SLC38A11: variants seen among roughly 807,000 people sequenced by gnomAD.
SLC38A11 encodes the protein putative sodium-coupled neutral amino acid transporter 11.
A neutral mutation model predicts 49.4 loss-of-function variants in SLC38A11; 51 were observed. The observed-to-expected ratio is 1.03, with a 90% CI of 0.83 to 1.30. The LOEUF (loss-of-function observed/expected upper bound fraction) is 1.30, where lower values mean the gene tolerates loss of function less well. Among genes scored for constraint, SLC38A11 ranks in the 50% most tolerant of loss-of-function variants. The pLI is 0.00. For missense variants in SLC38A11, 574 were observed against 556.2 expected (o/e 1.03, Z -0.32); for synonymous variants, 203 against 192.9 (o/e 1.05, Z -0.43).
intron 6 of SLC38A11, chr2:164,937,646 G>A: frequency 2.3e-6 from 1 of 431,378 alleles, no homozygotes; most frequent in Non-Finnish European, 4.2e-6. Flanking sequence ...AAGTAGGTGA[G>A]CAAGTATTAT....
chr2:164,919,534 T>C (rs1223394400), intron 7 of SLC38A11, among the ~76,000 whole-genome samples: 1 of 152,196 alleles, frequency 6.6e-6, no homozygotes, highest in African/African-American at 2.4e-5. Flanking sequence ...ACATTGGTCA[T>C]GCATACACAG....
At chr2:164,926,474 A>G (rs1686592490) in intron 7 of SLC38A11, among the ~76,000 whole-genome samples, 1 of 152,156 alleles carries the variant, frequency 6.6e-6, no homozygotes, top group Non-Finnish European at 1.5e-5. Flanking sequence ...CTCTAAAATT[A>G]AGGTTGAAAC....
In SLC38A11 at chr2:164,895,524, T is replaced by C. The variant is rs1025156729; in HGVS notation, c.*2913A>G. On this transcript the variant is annotated 3_prime_UTR_variant, in exon 12 of 12. Coordinates refer to ENST00000685975, the MANE Select transcript of SLC38A11 (RefSeq NM_001351537.2). ...GAGGAGACCTGTTCTCTTCAATAAA[T>C]GTATCTTTAATTAAGTAGATGTGTA... Among the ~76,000 whole-genome samples the C allele has an allele frequency of 6.6e-6, 1 of 152,198 alleles. No individual in the cohort carries two copies. Among genetic ancestry groups the C allele is most frequent in the Non-Finnish European group, 1.5e-5 (1 of 68,030 alleles).
At chr2:164,908,006 T>A (rs940969597) in intron 11 of SLC38A11, 1 of 152,156 alleles carries the variant, frequency 6.6e-6, no homozygotes, top group African/African-American at 2.4e-5. Flanking sequence ...TACATGATAG[T>A]TGAAACAGAG....
At chr2:164,947,117 CTTTTTTTTTTTTTTTTTTTT>C (rs200284770) in intron 3 of SLC38A11, among the ~76,000 whole-genome samples, 24,162 of 74,732 alleles carry the variant, frequency 0.32, 2,990 homozygotes, top group East Asian at 0.54. Context: ...TTTTTTATCT[CTTTTTTTTTTTTTTTTTTTT>C]TTTTTTTTTT....
chr2:164,901,410 C>A (rs1052512462), intron 11 of SLC38A11, among the ~76,000 whole-genome samples: 6 of 151,738 alleles, frequency 4.0e-5, no homozygotes, highest in Non-Finnish European at 8.8e-5. Context: ...TTATATGTTC[C>A]ATTTATTTGT....
At chr2:164,926,721 G>T (rs1235174277) in intron 7 of SLC38A11, among the ~76,000 whole-genome samples, 1 of 151,996 alleles carries the variant, frequency 6.6e-6, no homozygotes, top group Non-Finnish European at 1.5e-5. Context: ...TAGGGACATG[G>T]ATGAAGCTGG....
At chr2:164,952,914 C>T (rs908108865) in intron 2 of SLC38A11, 133 bp from the exon 3 acceptor site, 20 of 673,172 alleles carry the variant, frequency 3.0e-5, no homozygotes, top group Non-Finnish European at 5.0e-5. Context: ...GTAAGTTGCA[C>T]ATAGGACAGA....
intron 7 of SLC38A11, among the ~76,000 whole-genome samples, chr2:164,932,107 A>T (rs765047451): frequency 1.1e-4 from 17 of 152,084 alleles, no homozygotes; most frequent in Non-Finnish European, 2.1e-4. Flanking sequence ...TAGGCAAAGG[A>T]CATGAACACT....
In SLC38A11 at chr2:164,898,642, T is replaced by C; in HGVS notation, c.1184A>G (p.Lys395Arg). The change falls in exon 12 of 12, where the codon AAG becomes AGG. Residue 395 changes from lysine (K) to arginine (R), a missense_variant. Transcript: ENST00000685975. ...GGGAAGCATGACACAAGACATAATC[T>C]TATCGGAGTGTGTCCTTGGTTCTTC... ...LSEEPRTHSDKIMSCVMLPIG... is the reference protein window; with the variant it reads ...LSEEPRTHSDRIMSCVMLPIG... The C allele has an allele frequency of 6.2e-7, 1 of 1,613,470 alleles. No individual in the cohort carries two copies. Among genetic ancestry groups the C allele is most frequent in the Middle Eastern group, 1.7e-4 (1 of 6,056 alleles).
chr2:164,923,673 T>C (rs12996366), intron 7 of SLC38A11, among the ~76,000 whole-genome samples: 11,821 of 152,116 alleles, frequency 0.078, 494 homozygotes, highest in Admixed American at 0.11. Context: ...GGTGCACACC[T>C]GTAGTCCCAG....
At chr2:164,910,982 A>G (rs1266679358) in intron 10 of SLC38A11, among the ~76,000 whole-genome samples, 1 of 151,926 alleles carries the variant, frequency 6.6e-6, no homozygotes, top group African/African-American at 2.4e-5. Flanking sequence ...GACTTTGACA[A>G]TACAATATAT....
At chr2:164,904,732 A>T (rs570711974) in intron 11 of SLC38A11, among the ~76,000 whole-genome samples, 1 of 152,310 alleles carries the variant, frequency 6.6e-6, no homozygotes, top group South Asian at 2.1e-4. Context: ...ATCTCCTGGT[A>T]TGTTTTAACC....
At position 164,945,663 on chromosome 2, in the gene SLC38A11, C is replaced by A. The variant is rs1559128871; in HGVS notation, c.294G>T (p.Leu98Phe). 2 of 1,610,984 alleles carry A rather than the reference C, an allele frequency of 1.2e-6. No homozygotes were observed. The highest frequency in any genetic ancestry group is 1.7e-6 in the Non-Finnish European group (2 of 1,179,254). ...ALSGTDTYQSLVNKTFGFPGY... is the reference protein window; with the variant it reads ...ALSGTDTYQSFVNKTFGFPGY... ...CTGGAAAGCCGAAAGTTTTATTGAC[C>A]AAAGACTGGTAGGTATCTGTTCCAG... The change falls in exon 4 of 12, where the codon TTG becomes TTT. Residue 98 changes from leucine (L) to phenylalanine (F), a missense_variant. By Grantham distance (22) the Leu-to-Phe change is conservative. Coordinates refer to ENST00000685975, the MANE Select transcript of SLC38A11 (RefSeq NM_001351537.2).
At chr2:164,903,265 G>T (rs1411471012) in intron 11 of SLC38A11, among the ~76,000 whole-genome samples, 1 of 152,072 alleles carries the variant, frequency 6.6e-6, no homozygotes, top group Non-Finnish European at 1.5e-5. Context: ...AATTCATCTG[G>T]AACTGCAGAT....
chr2:164,954,849 G>A (rs1688745918), intron 1 of SLC38A11, 104 bp from the exon 2 acceptor site: 1 of 570,170 alleles, frequency 1.8e-6, no homozygotes, highest in Admixed American at 3.3e-5. Flanking sequence ...GTAATAATAA[G>A]TAATGTCACT....
chr2:164,929,672 G>A (rs1686853301), intron 7 of SLC38A11, among the ~76,000 whole-genome samples: 3 of 152,172 alleles, frequency 2.0e-5, no homozygotes, highest in South Asian at 2.1e-4. Context: ...CCTAATAATA[G>A]GACTAACCTT....
chr2:164,897,132 T>G lies in SLC38A11; in HGVS notation c.*1305A>C, dbSNP rs373432513. ...TCATACATACAAAGACACAAAGTCC[T>G]CATTAAAAAATCATTTAAAAATCCT... On this transcript the variant is annotated 3_prime_UTR_variant, in exon 12 of 12. Transcript: ENST00000685975. 1.3e-5 allele frequency: 2 copies of G among 152,280 alleles called. No individual in the cohort carries two copies. The highest frequency in any genetic ancestry group is 3.9e-4 in the East Asian group (2 of 5,188). 9.4% of individuals were successfully genotyped at this position (152,280 alleles called of 1,614,324 possible).
Position 164,939,554 on chromosome 2 carries a change from C to G in SLC38A11, c.433G>C (p.Asp145His). Reference protein sequence around the residue: ...SKVFQRIPGVDPENVFIGRHF... With the variant: ...SKVFQRIPGVHPENVFIGRHF... The stretch of plus-strand genomic sequence containing the variant: ...CGACCAATAAACACGTTTTCAGGAT[C>G]AACTAAAACACAATAAATATTATTA... Residue 145 changes from aspartate (D) to histidine (H), a missense_variant and splice_region_variant, in exon 6 of 12, where the codon GAT becomes CAT. Coordinates refer to ENST00000685975, the MANE Select transcript of SLC38A11 (RefSeq NM_001351537.2). 6.3e-7 allele frequency: 1 copy of G among 1,591,324 alleles called. No homozygotes were observed. Among genetic ancestry groups the G allele is most frequent in the Non-Finnish European group, 8.6e-7 (1 of 1,161,734 alleles).
Sources: allele counts gnomAD v4.1 joint callset (sites outside exome capture counted in the v4.1 genomes callset), GRCh38; gene constraint gnomAD v4.1.1; transcripts MANE v1.5; gene names NCBI Gene and HGNC (gene_info 2026-07-23, HGNC 2026-07-21).